The following SATB2 variants were observed in gnomAD, a reference collection of about 807,000 sequenced individuals.
SATB2 encodes DNA-binding protein SATB2.
SATB2 carries 1 observed loss-of-function variant against 73.4 expected under a neutral mutation model. That is an observed-to-expected ratio of 0.01 (90% CI 0.00 to 0.06). The LOEUF (loss-of-function observed/expected upper bound fraction) is 0.06, where lower values mean the gene tolerates loss of function less well. Ranked by LOEUF, SATB2 falls within the 10% of genes least tolerant of loss-of-function variation. The pLI is 1.00. For missense variants in SATB2, 459 were observed against 945.8 expected, an observed-to-expected ratio of 0.49 and a Z score of 6.75; for synonymous variants, 397 against 367.0, an observed-to-expected ratio of 1.08 and a Z score of -0.93.
rs756865617 is a variant in SATB2, at chr2:199,433,473, C to T, written c.211G>A (p.Gly71Ser). ...PVFCVVEQLD[G>S]SLEYDNREEH... ...TCTCTGTTGTCATATTCAAGAGAGC[C>T]GTCCAACTGCTCCACGACACAAAAG... Residue 71 changes from glycine (G) to serine (S), a missense_variant, in exon 3 of 11, where the codon GGC becomes AGC. This residue lies in a region of SATB2 where 74 missense variants were observed against 113.3 expected (regional missense o/e 0.65). Coordinates refer to ENST00000417098, the MANE Select transcript of SATB2 (RefSeq NM_001172509.2). 10 of 1,614,036 alleles carry T rather than the reference C, an allele frequency of 6.2e-6. No individual in the cohort carries two copies. The highest frequency in any genetic ancestry group is 4.4e-5 in the South Asian group (4 of 91,070).
chr2:199,393,741 TA>T lies in SATB2; in HGVS notation c.347-11922del, dbSNP rs369159761. ...CTGCCATTAAAGTTCTACTTTTCTT[TA>T]AAAAAAAATGGCAAGCATCCAGCTT... On this transcript the variant is annotated intron_variant, in intron 3 of 10. Coordinates refer to ENST00000417098, the MANE Select transcript of SATB2 (RefSeq NM_001172509.2). Among the ~76,000 whole-genome samples, 7 of 151,480 alleles carry T rather than the reference TA, an allele frequency of 4.6e-5. No homozygotes were observed. The East Asian group carries it at 5.8e-4, about 13-fold the overall frequency.
chr2:199,468,544 A>C (rs1358839546), upstream of SATB2, among the ~76,000 whole-genome samples: 2 of 152,148 alleles, frequency 1.3e-5, no homozygotes, highest in Non-Finnish European at 2.9e-5. Flanking sequence ...AGGAGTGGGG[A>C]GTGAGGGAGA....
intron 3 of SATB2, among the ~76,000 whole-genome samples, chr2:199,384,488 G>A (rs182208235): frequency 6.6e-6 from 1 of 152,298 alleles, no homozygotes; most frequent in East Asian, 1.9e-4. Context: ...CCTCCAAACA[G>A]GGTCTCTGTC....
At chr2:199,456,206 A>C in intron 1 of SATB2, 110 bp from the exon 2 acceptor site, 2 of 721,340 alleles carry the variant, frequency 2.8e-6, no homozygotes, top group Non-Finnish European at 4.7e-6. Context: ...ACAGCCACAC[A>C]AACTTCCTCC....
intron 3 of SATB2, among the ~76,000 whole-genome samples, chr2:199,409,994 CT>C (rs749493655): frequency 7.1e-6 from 1 of 140,280 alleles, no homozygotes; most frequent in African/African-American, 2.4e-5. Context: ...CCATCACTGA[CT>C]TTTTTTCTTT....
upstream of SATB2, among the ~76,000 whole-genome samples, chr2:199,460,281 CT>C (rs1692445859): frequency 6.6e-6 from 1 of 152,150 alleles, no homozygotes; most frequent in South Asian, 2.1e-4. The surrounding 1 kb of genome is among the most constrained non-coding windows in gnomAD (Gnocchi z 4.0). Context: ...AAGAAACAAA[CT>C]GTAAGTTTTG....
intron 6 of SATB2, among the ~76,000 whole-genome samples, chr2:199,358,060 T>A (rs1425602844): frequency 2.0e-5 from 3 of 152,102 alleles, no homozygotes; most frequent in Non-Finnish European, 2.9e-5. Flanking sequence ...ACCTGATACT[T>A]ATTTTGTCTC....
intron 2 of SATB2, among the ~76,000 whole-genome samples, chr2:199,445,759 A>G (rs1176225371): frequency 6.6e-6 from 1 of 152,194 alleles, no homozygotes; most frequent in African/African-American, 2.4e-5. Context: ...CTCCGTCGAT[A>G]CTAAAGGGTT....
At chr2:199,331,266 T>A (rs987884838) in intron 7 of SATB2, among the ~76,000 whole-genome samples, 1 of 151,974 alleles carries the variant, frequency 6.6e-6, no homozygotes, top group Non-Finnish European at 1.5e-5. Flanking sequence ...CTACATTTTT[T>A]ACATACTGGA....
At chr2:199,399,836 C>T (rs1184638864) in intron 3 of SATB2, among the ~76,000 whole-genome samples, 1 of 152,172 alleles carries the variant, frequency 6.6e-6, no homozygotes, top group Non-Finnish European at 1.5e-5. Flanking sequence ...CCAATCACCC[C>T]CTACCAGGCC....
chr2:199,340,008 T>C (rs1298923397), intron 7 of SATB2, among the ~76,000 whole-genome samples: 1 of 152,192 alleles, frequency 6.6e-6, no homozygotes, highest in African/African-American at 2.4e-5. Flanking sequence ...GGCATGAATA[T>C]ACTATAAACA....
intron 3 of SATB2, among the ~76,000 whole-genome samples, chr2:199,390,655 C>T (rs1442666826): frequency 2.0e-5 from 3 of 152,190 alleles, no homozygotes; most frequent in Non-Finnish European, 2.9e-5. Context: ...GCCAGTGTTT[C>T]TGCATCCTCT....
chr2:199,309,585 C>T (rs1049911472), intron 9 of SATB2, among the ~76,000 whole-genome samples: 4 of 152,192 alleles, frequency 2.6e-5, no homozygotes, highest in Admixed American at 6.5e-5. Context: ...TTGGTCAGGT[C>T]ACACCTGCAA....
At chr2:199,304,330 G>A (rs572285295) in intron 10 of SATB2, among the ~76,000 whole-genome samples, 10 of 152,162 alleles carry the variant, frequency 6.6e-5, no homozygotes, top group African/African-American at 1.9e-4. Flanking sequence ...CCAACCTTTC[G>A]GGGTGAAAAA....
At chr2:199,433,553 A>C in intron 2 of SATB2, 39 bp from the exon 3 acceptor site, 1 of 1,591,194 alleles carries the variant, frequency 6.3e-7, no homozygotes, top group African/African-American at 1.3e-5. Flanking sequence ...ACAAACATTA[A>C]AAAGCAAATC....
chr2:199,437,675 T>C (rs1013512106), intron 2 of SATB2, among the ~76,000 whole-genome samples: 2 of 152,198 alleles, frequency 1.3e-5, no homozygotes, highest in African/African-American at 4.8e-5. Flanking sequence ...ATCTACATCA[T>C]AGATCTGTTG....
intron 3 of SATB2, among the ~76,000 whole-genome samples, chr2:199,407,262 G>C (rs1690659367): frequency 1.4e-5 from 2 of 147,818 alleles, no homozygotes; most frequent in South Asian, 4.4e-4. Flanking sequence ...CTCCAGCCTG[G>C]GTGACAGAGC....
At chr2:199,303,192 G>A (rs1024965516) in intron 10 of SATB2, among the ~76,000 whole-genome samples, 26 of 152,282 alleles carry the variant, frequency 1.7e-4, no homozygotes, top group African/African-American at 5.8e-4. Context: ...CACTTTGAGC[G>A]AGTTACTTTA....
chr2:199,315,438 A>G (rs921109548), intron 9 of SATB2, among the ~76,000 whole-genome samples: 1 of 152,046 alleles, frequency 6.6e-6, no homozygotes, highest in African/African-American at 2.4e-5. Context: ...CCTAACAGAT[A>G]AGAGTTTGAA....
Sources: gnomAD v4.1 joint callset for allele counts (sites outside exome capture counted in the v4.1 genomes callset) on GRCh38, gnomAD v4.1.1 for gene constraint, gnomAD v4.1.1 regional missense constraint, Gnocchi (gnomAD v3.1) non-coding constraint, MANE v1.5 for transcripts, NCBI Gene and HGNC (gene_info 2026-07-23, HGNC 2026-07-21) for gene names.